Variants in BABAM2 observed in about 807,000 individuals in gnomAD.
BABAM2 encodes the protein BRISC and BRCA1 A complex member 2.
BABAM2 carries 31 observed loss-of-function variants against 54.7 expected under a neutral mutation model. The ratio of observed to expected loss-of-function variants is 0.57; its 90% CI spans 0.43 to 0.77. The LOEUF is 0.77. BABAM2 is among the 30% of genes least tolerant of loss of function. BABAM2 has a pLI of 0.00. For missense variants in BABAM2, 364 were observed against 455.8 expected (o/e 0.80, Z 1.83); for synonymous variants, 167 against 162.9 (o/e 1.03, Z -0.19).
intron 4 of BABAM2, among the ~76,000 whole-genome samples, chr2:27,994,548 C>T (rs1245408618): frequency 2.0e-5 from 3 of 152,186 alleles, no homozygotes; most frequent in South Asian, 4.1e-4. Flanking sequence ...TCTCTTTGAT[C>T]TTCGTACAAA....
chr2:28,068,042 CT>C (rs141146307), intron 6 of BABAM2, among the ~76,000 whole-genome samples: 18 of 147,024 alleles, frequency 1.2e-4, no homozygotes, highest in East Asian at 4.0e-4. Context: ...GCTTTTTCTA[CT>C]TTTTTTTTTA....
At chr2:28,076,090 C>A (rs1218361051) in intron 6 of BABAM2, among the ~76,000 whole-genome samples, 2 of 151,868 alleles carry the variant, frequency 1.3e-5, no homozygotes, top group Non-Finnish European at 2.9e-5. Context: ...ATAAGGAGAC[C>A]CTGTCTCTAC....
At chr2:28,025,126 T>G in intron 4 of BABAM2, 100 bp from the exon 5 acceptor site, 1 of 1,103,178 alleles carries the variant, frequency 9.1e-7, no homozygotes, top group Non-Finnish European at 1.3e-6. Flanking sequence ...CCTCTTAGAT[T>G]TCTATTACTC....
chr2:28,044,418 A>ATGGGGTTTTACCATGT (rs1677392895), intron 5 of BABAM2, among the ~76,000 whole-genome samples: 1 of 151,764 alleles, frequency 6.6e-6, no homozygotes, highest in South Asian at 2.1e-4. Context: ...TTTAGTGGAG[A>ATGGGGTTTTACCATGT]TGGGGTTTTA....
At chr2:28,018,511 G>C (rs1181930376) in intron 4 of BABAM2, among the ~76,000 whole-genome samples, 1 of 152,134 alleles carries the variant, frequency 6.6e-6, no homozygotes, top group Non-Finnish European at 1.5e-5. Context: ...TTTCCTCTGG[G>C]TGGATACCTA....
intron 7 of BABAM2, among the ~76,000 whole-genome samples, chr2:28,165,707 G>C (rs1004707022): frequency 1.3e-5 from 2 of 151,574 alleles, no homozygotes; most frequent in Admixed American, 1.3e-4. Context: ...GTTAATTTTT[G>C]TATCTTTAGT....
chr2:28,156,904 A>G (rs558672684), intron 7 of BABAM2, among the ~76,000 whole-genome samples: 14 of 152,200 alleles, frequency 9.2e-5, no homozygotes, highest in Non-Finnish European at 2.1e-4. Flanking sequence ...ACTTAATGGG[A>G]AAATATGATT....
chr2:28,104,909 A>G (rs898668528), intron 6 of BABAM2, among the ~76,000 whole-genome samples: 1 of 152,154 alleles, frequency 6.6e-6, no homozygotes, highest in African/African-American at 2.4e-5. Flanking sequence ...TGAAGCTGGA[A>G]ACCGTCCTTC....
chr2:28,145,180 A>G (rs1424314379), intron 7 of BABAM2, among the ~76,000 whole-genome samples: 1 of 152,230 alleles, frequency 6.6e-6, no homozygotes, highest in Admixed American at 6.5e-5. Flanking sequence ...AGTGTTGGAC[A>G]GAAATGAAAC....
intron 3 of BABAM2, among the ~76,000 whole-genome samples, chr2:27,972,968 A>G (rs906232709): frequency 6.6e-6 from 1 of 151,754 alleles, no homozygotes; most frequent in Non-Finnish European, 1.5e-5. Flanking sequence ...GGATTTCATC[A>G]TGTTGGCCAG....
chr2:28,045,306 C>T lies in BABAM2; in HGVS notation c.496-419C>T, dbSNP rs1192580331. On this transcript the variant is annotated intron_variant, in intron 5 of 11. Coordinates refer to ENST00000379624, the MANE Select transcript of BABAM2 (RefSeq NM_199191.3). ...ATCCAGAAAGGATGGTGGTGTATGC[C>T]ATCAGCCTTGTGGTTTATAAATATT... 9.2e-5 allele frequency among the ~76,000 whole-genome samples: 14 copies of T among 152,162 alleles called. No homozygotes were observed. The South Asian group carries it at 2.7e-3, about 29-fold the overall frequency.
In BABAM2 at chr2:27,940,862, T is replaced by G. The variant is rs557567275; in HGVS notation, c.205+10954T>G. On this transcript the variant is annotated intron_variant, in intron 3 of 11. Transcript: ENST00000379624. ...AGACATAGTCGCCAGTCAGCATCTG[T>G]GTCCATGTTTGTGTCTTTCTCCTGC... 5.1e-4 allele frequency among the ~76,000 whole-genome samples: 78 copies of G among 152,284 alleles called. 1 individual carries two copies. The South Asian group carries it at 0.016, about 32-fold the overall frequency.
At chr2:28,046,791 T>G (rs1237911792) in intron 6 of BABAM2, among the ~76,000 whole-genome samples, 1 of 152,060 alleles carries the variant, frequency 6.6e-6, no homozygotes, top group East Asian at 1.9e-4. Flanking sequence ...TTCCATCTTT[T>G]TTTTTTTTGG....
At chr2:28,253,637 A>G (rs1338749264) in intron 10 of BABAM2, among the ~76,000 whole-genome samples, 1 of 152,178 alleles carries the variant, frequency 6.6e-6, no homozygotes, top group African/African-American at 2.4e-5. Context: ...GTTTCAGATA[A>G]TTGTTTGACA....
At chr2:28,115,703 G>A (rs1668555536) in intron 6 of BABAM2, among the ~76,000 whole-genome samples, 1 of 151,968 alleles carries the variant, frequency 6.6e-6, no homozygotes, top group Non-Finnish European at 1.5e-5. Flanking sequence ...GGGGTTGGGG[G>A]ATGTAGACCG....
At position 28,338,883 on chromosome 2, in the gene BABAM2, C is replaced by T. The variant is rs1012990123; in HGVS notation, c.*370C>T. On this transcript the variant is annotated 3_prime_UTR_variant, in exon 12 of 12. Transcript: ENST00000379624. ...TTAAGTTCTAAGATTAAATGCCCCT[C>T]GCTGTTCTTCCTCTGAAACTAGTGT... The T allele has an allele frequency of 1.7e-5, 4 of 238,004 alleles. No individual in the cohort carries two copies. The highest frequency in any genetic ancestry group is 1.7e-5 in the Non-Finnish European group (2 of 119,708). 14.7% of individuals were successfully genotyped at this position (238,004 alleles called of 1,614,324 possible).
chr2:28,104,840 C>T (rs1179927087), intron 6 of BABAM2, among the ~76,000 whole-genome samples: 1 of 152,166 alleles, frequency 6.6e-6, no homozygotes, highest in African/African-American at 2.4e-5. Flanking sequence ...ACTTATACAC[C>T]ATGGAATACT....
chr2:27,916,414 A>G (rs1573158490), intron 2 of BABAM2, among the ~76,000 whole-genome samples: 1 of 152,248 alleles, frequency 6.6e-6, no homozygotes, highest in Non-Finnish European at 1.5e-5. Context: ...GGGATCTCTT[A>G]TATAACATTT....
chr2:28,210,151 A>G (rs1258220753), intron 7 of BABAM2, among the ~76,000 whole-genome samples: 2 of 152,134 alleles, frequency 1.3e-5, no homozygotes, highest in African/African-American at 4.8e-5. Flanking sequence ...TGGCCTCTTG[A>G]AAAAGAACAG....
Sources: gnomAD v4.1 joint callset for allele counts (sites outside exome capture counted in the v4.1 genomes callset) on GRCh38, gnomAD v4.1.1 for gene constraint, MANE v1.5 for transcripts, NCBI Gene and HGNC (gene_info 2026-07-23, HGNC 2026-07-21) for gene names.